RNF2: variants seen among roughly 807,000 people sequenced by gnomAD.
RNF2 encodes E3 ubiquitin-protein ligase RING2.
In RNF2, 6 loss-of-function variants were observed where a neutral mutation model predicts 37.2. The observed-to-expected ratio is 0.16, with a 90% CI of 0.09 to 0.32. The LOEUF is 0.32. Among genes scored for constraint, RNF2 ranks in the 10% least tolerant of loss-of-function variants. The pLI, the probability that RNF2 is intolerant of heterozygous loss-of-function variation, is 1.00. For synonymous variants in RNF2, 133 were observed against 132.7 expected (o/e 1.00, Z -0.02); for missense variants, 251 against 404.0 (o/e 0.62, Z 3.25).
chr1:185,070,215 A>G (rs745481831), intron 1 of RNF2, among the ~76,000 whole-genome samples: 7 of 152,224 alleles, frequency 4.6e-5, no homozygotes, highest in Admixed American at 2.0e-4. Flanking sequence ...TATCTCATTC[A>G]GTTTTGCTAG....
chr1:185,060,501 A>T (rs905335245), intron 1 of RNF2, among the ~76,000 whole-genome samples: 1 of 152,184 alleles, frequency 6.6e-6, no homozygotes, highest in Admixed American at 6.6e-5. Context: ...TGCTTAGGAA[A>T]TTATTGACAT....
chr1:185,081,669 C>T (rs1366765911), intron 1 of RNF2, among the ~76,000 whole-genome samples: 3 of 151,796 alleles, frequency 2.0e-5, no homozygotes, highest in Non-Finnish European at 4.4e-5. Context: ...CCCAACCTCC[C>T]GAAGTGCTGG....
intron 4 of RNF2, among the ~76,000 whole-genome samples, chr1:185,094,334 G>A: frequency 6.6e-6 from 1 of 151,888 alleles, no homozygotes; most frequent in East Asian, 1.9e-4. Context: ...AGTAGAGATG[G>A]GGTTTCACCA....
At chr1:185,050,238 G>A (rs1392765028) in intron 1 of RNF2, among the ~76,000 whole-genome samples, 1 of 152,220 alleles carries the variant, frequency 6.6e-6, no homozygotes, top group East Asian at 1.9e-4. Context: ...TGTCCTTGAG[G>A]AATTTATAGT....
At chr1:185,063,428 G>A (rs1369225787) in intron 1 of RNF2, among the ~76,000 whole-genome samples, 2 of 152,148 alleles carry the variant, frequency 1.3e-5, no homozygotes, top group Admixed American at 1.3e-4. Context: ...TACTTCTCTA[G>A]AGGAAGACTC....
At chr1:185,069,429 C>G (rs1273081361) in intron 1 of RNF2, among the ~76,000 whole-genome samples, 1 of 149,492 alleles carries the variant, frequency 6.7e-6, no homozygotes, top group Non-Finnish European at 1.5e-5. Context: ...TGCACTTCAG[C>G]CAGGGTGATA....
intron 1 of RNF2, among the ~76,000 whole-genome samples, chr1:185,064,918 T>C (rs1349404810): frequency 6.6e-6 from 1 of 152,240 alleles, no homozygotes; most frequent in African/African-American, 2.4e-5. Flanking sequence ...GTTTTGTTTT[T>C]TTCTTGCAAC....
rs1652103100 is a variant in RNF2 at position 185,102,449 on chromosome 1, TA to T, written c.*2149del. ...ATGGTAACATATACATAGCCACATTTACAGTTTTAACCATTTTAAGGCATGT... is the reference window on the plus strand; with the variant it reads ...ATGGTAACATATACATAGCCACATTTCAGTTTTAACCATTTTAAGGCATGT... On this transcript the variant is annotated 3_prime_UTR_variant, in exon 7 of 7. Transcript: ENST00000367510. 6.6e-6 allele frequency: 1 copy of T among 152,240 alleles called. No individual in the cohort carries two copies. Among genetic ancestry groups the T allele is most frequent in the Non-Finnish European group, 1.5e-5 (1 of 68,024 alleles). The allele number at this position is 152,240 out of a possible 1,614,324, so 9.4% of individuals were successfully genotyped here.
Position 185,101,699 on chromosome 1 carries a change from ATATT to A in RNF2, c.*1402_*1405del, listed in dbSNP as rs1652081217. 1 of 152,158 alleles carries A rather than the reference ATATT, an allele frequency of 6.6e-6. No homozygotes were observed. Among genetic ancestry groups the A allele is most frequent in the Non-Finnish European group, 1.5e-5 (1 of 67,972 alleles). The allele number at this position is 152,158 out of a possible 1,614,324, so 9.4% of individuals were successfully genotyped here. ...ACTAAAGTCTGTCTAGTCATTGTAA[ATATT>A]TATCTGTCAGTTTTGACAGATTGGG... On this transcript the variant is annotated 3_prime_UTR_variant, in exon 7 of 7. Transcript: ENST00000367510.
At chr1:185,054,943 G>A (rs950235410) in intron 1 of RNF2, among the ~76,000 whole-genome samples, 1 of 152,086 alleles carries the variant, frequency 6.6e-6, no homozygotes, top group East Asian at 1.9e-4. Flanking sequence ...CAAGCAGTCC[G>A]CCTGCCTCGG....
At chr1:185,049,525 C>T (rs1459661242) in intron 1 of RNF2, among the ~76,000 whole-genome samples, 1 of 152,116 alleles carries the variant, frequency 6.6e-6, no homozygotes, top group African/African-American at 2.4e-5. Context: ...ATTTTGTTTA[C>T]TTTCCCCTTC....
intron 1 of RNF2, among the ~76,000 whole-genome samples, chr1:185,047,851 C>G (rs998658132): frequency 1.3e-5 from 2 of 152,166 alleles, no homozygotes; most frequent in South Asian, 4.1e-4. Context: ...TTATTGCACA[C>G]ACTGTAGAAG....
intron 1 of RNF2, among the ~76,000 whole-genome samples, chr1:185,052,481 A>G (rs1192308351): frequency 6.6e-6 from 1 of 152,250 alleles, no homozygotes; most frequent in Non-Finnish European, 1.5e-5. Context: ...GCCACATATT[A>G]CATGAGTCCA....
At chr1:185,084,895 A>G (rs1651534840) in intron 1 of RNF2, among the ~76,000 whole-genome samples, 1 of 152,148 alleles carries the variant, frequency 6.6e-6, no homozygotes, top group Admixed American at 6.5e-5. Context: ...AAACTCTGTG[A>G]TTACCAGTCT....
rs185842669 is a variant in RNF2 at position 185,087,481 on chromosome 1, A to G, written c.-2-71A>G. ...ATTTCAACGTAGGAATTTTGGTGGG[A>G]CACATACATTCAGACCATAGCACTT... On this transcript the variant is annotated intron_variant, in intron 1 of 6. Coordinates refer to ENST00000367510, the MANE Select transcript of RNF2 (RefSeq NM_007212.4). The G allele has an allele frequency of 1.2e-4, 148 of 1,260,294 alleles. 3 individuals carry two copies. In the East Asian group the frequency reaches 2.5e-3, roughly 21 times the overall value. 78.1% of individuals were successfully genotyped at this position (1,260,294 alleles called of 1,614,324 possible).
At chr1:185,051,982 G>GT (rs1650286762) in intron 1 of RNF2, among the ~76,000 whole-genome samples, 1 of 150,472 alleles carries the variant, frequency 6.6e-6, no homozygotes, top group African/African-American at 2.4e-5. Context: ...ATGCACCCAT[G>GT]TAACACTTCT....
Position 185,051,953 on chromosome 1 carries a change from CAT to C in RNF2, c.-3+6319_-3+6320del, listed in dbSNP as rs140002491. ...TATACATATTATATATACATTTTTA[CAT>C]ATATATATATATATGCATGCACCCA... On this transcript the variant is annotated intron_variant, in intron 1 of 6. Transcript: ENST00000367510. Among the ~76,000 whole-genome samples, 322 of 145,570 alleles carry C rather than the reference CAT, an allele frequency of 2.2e-3. 2 individuals are homozygous for C. Among genetic ancestry groups the C allele is most frequent in the African/African-American group, 6.9e-3 (275 of 39,964 alleles).
intron 1 of RNF2, among the ~76,000 whole-genome samples, chr1:185,076,940 AT>A (rs1359034296): frequency 6.6e-6 from 1 of 152,086 alleles, no homozygotes; most frequent in African/African-American, 2.4e-5. Flanking sequence ...ATTGCATTGA[AT>A]TTATATACAT....
At chr1:185,075,951 A>G (rs1347649026) in intron 1 of RNF2, among the ~76,000 whole-genome samples, 1 of 152,200 alleles carries the variant, frequency 6.6e-6, no homozygotes, top group Non-Finnish European at 1.5e-5. Flanking sequence ...ACTGATTATT[A>G]GTGAAGTTTA....
Sources: gnomAD v4.1 joint callset for allele counts (sites outside exome capture counted in the v4.1 genomes callset) on GRCh38, gnomAD v4.1.1 for gene constraint, MANE v1.5 for transcripts, NCBI Gene and HGNC (gene_info 2026-07-23, HGNC 2026-07-21) for gene names.